PDE1A: variants seen among roughly 807,000 people sequenced by gnomAD.
The protein encoded by PDE1A is dual specificity calcium/calmodulin-dependent 3',5'-cyclic nucleotide phosphodiesterase 1A.
PDE1A carries 35 observed loss-of-function variants against 61.7 expected under a neutral mutation model. The ratio of observed to expected loss-of-function variants is 0.57; its 90% CI spans 0.43 to 0.75. PDE1A has a LOEUF of 0.75. PDE1A is among the 30% of genes least tolerant of loss of function. PDE1A has a pLI of 0.00. For missense variants in PDE1A, 597 were observed against 630.6 expected, an observed-to-expected ratio of 0.95 and a Z score of 0.57; for synonymous variants, 232 against 213.2, an observed-to-expected ratio of 1.09 and a Z score of -0.77.
the PDE1A span, among the ~76,000 whole-genome samples, chr2:182,666,032 C>T: frequency 6.6e-6 from 1 of 152,072 alleles, no homozygotes; most frequent in Non-Finnish European, 1.5e-5. Flanking sequence ...CGCATGGACA[C>T]AGGGAGGTGA....
intron 1 of PDE1A, among the ~76,000 whole-genome samples, chr2:182,356,327 C>A (rs189975888): frequency 3.3e-5 from 5 of 152,016 alleles, no homozygotes; most frequent in Non-Finnish European, 7.4e-5. Context: ...ATTACATGAC[C>A]TTGTGTCTAT....
At chr2:182,386,575 C>A (rs1226182071) in intron 1 of PDE1A, among the ~76,000 whole-genome samples, 1 of 151,532 alleles carries the variant, frequency 6.6e-6, no homozygotes, top group African/African-American at 2.4e-5. Context: ...CCAGCAGCCA[C>A]CCCGTCTGAG....
intron 1 of PDE1A, among the ~76,000 whole-genome samples, chr2:182,272,842 A>C (rs1397261894): frequency 6.6e-6 from 1 of 152,170 alleles, no homozygotes; most frequent in African/African-American, 2.4e-5. Flanking sequence ...GGAAGAAAGA[A>C]GTTGTATGAG....
chr2:182,252,437 G>C (rs1341254446), intron 2 of PDE1A, among the ~76,000 whole-genome samples: 1 of 152,112 alleles, frequency 6.6e-6, no homozygotes, highest in African/African-American at 2.4e-5. Context: ...ACCTGAAGGA[G>C]GGAAAAATCC....
At chr2:182,537,295 A>G in the PDE1A span, among the ~76,000 whole-genome samples, 6 of 152,202 alleles carry the variant, frequency 3.9e-5, no homozygotes, top group African/African-American at 1.2e-4. Context: ...TGGCACATAT[A>G]CACCATGGAA....
chr2:182,451,120 T>TAAA, intron 2 of PDE1A, among the ~76,000 whole-genome samples: 3 of 18,330 alleles, frequency 1.6e-4, no homozygotes, highest in Non-Finnish European at 2.2e-4. Context: ...GGCTCACGCC[T>TAAA]GTAATCCCAG....
the PDE1A span, among the ~76,000 whole-genome samples, chr2:182,570,191 A>C: frequency 6.6e-6 from 1 of 152,218 alleles, no homozygotes; most frequent in African/African-American, 2.4e-5. Flanking sequence ...TGGAGCAGGG[A>C]AAATACAACC....
chr2:182,193,112 C>G (rs2195880), intron 10 of PDE1A, among the ~76,000 whole-genome samples: 44,522 of 151,658 alleles, frequency 0.29, 7,024 homozygotes, highest in Non-Finnish European at 0.34. Context: ...CTCAGCCTCC[C>G]GAGTAGATGG....
chr2:182,358,448 C>G (rs1296952890), intron 1 of PDE1A, among the ~76,000 whole-genome samples: 5 of 152,116 alleles, frequency 3.3e-5, no homozygotes, highest in Admixed American at 2.6e-4. Flanking sequence ...AATCTTGCCT[C>G]CTTTGTGCTG....
intron 2 of PDE1A, among the ~76,000 whole-genome samples, chr2:182,454,194 C>A (rs187161897): frequency 1.3e-4 from 20 of 152,008 alleles, no homozygotes; most frequent in African/African-American, 4.1e-4. Context: ...TAAAATACCT[C>A]GGAATCCAGC....
At chr2:182,685,620 C>T in the PDE1A span, among the ~76,000 whole-genome samples, 1 of 152,120 alleles carries the variant, frequency 6.6e-6, no homozygotes, top group Admixed American at 6.5e-5. Flanking sequence ...AAGTTAGGAC[C>T]ATGGGAGGGA....
the PDE1A span, among the ~76,000 whole-genome samples, chr2:182,595,456 T>A: frequency 0.082 from 12,446 of 152,142 alleles, 1,615 homozygotes; most frequent in African/African-American, 0.28. Context: ...AAATCCAGAA[T>A]TAACATTACA....
At chr2:182,592,920 C>T in the PDE1A span, among the ~76,000 whole-genome samples, 12 of 152,128 alleles carry the variant, frequency 7.9e-5, no homozygotes, top group African/African-American at 2.7e-4. Flanking sequence ...AAGCATAAAA[C>T]GACGAGGTGA....
the PDE1A span, among the ~76,000 whole-genome samples, chr2:182,654,021 C>A: frequency 1.3e-5 from 2 of 152,152 alleles, no homozygotes; most frequent in African/African-American, 2.4e-5. Flanking sequence ...AGAGTCCCCA[C>A]AGACTATATT....
intron 4 of PDE1A, 42 bp downstream of exon 4, chr2:182,234,390 A>G (rs181036821): frequency 2.2e-6 from 3 of 1,390,036 alleles, no homozygotes; most frequent in Non-Finnish European, 3.0e-6. Context: ...AGAATTTTTT[A>G]AAATGACCAT....
At chr2:182,451,622 T>A (rs1252144495) in intron 2 of PDE1A, among the ~76,000 whole-genome samples, 1 of 152,096 alleles carries the variant, frequency 6.6e-6, no homozygotes, top group African/African-American at 2.4e-5. Flanking sequence ...CAGTAAGAAT[T>A]CTGCTATTGT....
chr2:182,622,766 T>C, the PDE1A span, among the ~76,000 whole-genome samples: 1 of 152,114 alleles, frequency 6.6e-6, no homozygotes, highest in Non-Finnish European at 1.5e-5. Context: ...AATTAGGGAC[T>C]CTGAGAGCCT....
chr2:182,635,743 A>G, the PDE1A span, among the ~76,000 whole-genome samples: 5 of 151,218 alleles, frequency 3.3e-5, no homozygotes, highest in Admixed American at 3.3e-4. Flanking sequence ...AGTGTCCTTC[A>G]TATGGGAGGT....
intron 13 of PDE1A, among the ~76,000 whole-genome samples, chr2:182,158,912 G>A (rs1263180968): frequency 6.6e-6 from 1 of 152,082 alleles, no homozygotes; most frequent in African/African-American, 2.4e-5. Context: ...ACATATGACA[G>A]AGATCAAATA....
Sources: allele counts gnomAD v4.1 joint callset (sites outside exome capture counted in the v4.1 genomes callset), GRCh38; gene constraint gnomAD v4.1.1; transcripts MANE v1.5; gene names NCBI Gene and HGNC (gene_info 2026-07-23, HGNC 2026-07-21).